ZWILCH: variants seen among roughly 807,000 people sequenced by gnomAD.
The protein encoded by ZWILCH is protein zwilch homolog.
In ZWILCH, 74 loss-of-function variants were observed where a neutral mutation model predicts 79.9. That is an observed-to-expected ratio of 0.93 (90% CI 0.77 to 1.12). ZWILCH has a LOEUF of 1.12. Among genes scored for constraint, ZWILCH ranks in the 50% most tolerant of loss-of-function variants. ZWILCH has a pLI of 0.00. For missense variants in ZWILCH, 694 were observed against 687.5 expected (o/e 1.01, Z -0.11); for synonymous variants, 241 against 228.2 (o/e 1.06, Z -0.51).
At chr15:66,518,398 C>T (rs1246123014) in intron 4 of ZWILCH, among the ~76,000 whole-genome samples, 2 of 150,164 alleles carry the variant, frequency 1.3e-5, no homozygotes, top group Non-Finnish European at 3.0e-5. Context: ...ACACCATTCT[C>T]ATCCTCCCAG....
intron 16 of ZWILCH, 104 bp downstream of exon 16, chr15:66,537,367 G>A (rs769642082): frequency 2.6e-5 from 20 of 756,724 alleles, no homozygotes; most frequent in Non-Finnish European, 3.5e-5. Context: ...AGACCAGCCT[G>A]GGCAACATAA....
chr15:66,532,919 A>T, intron 13 of ZWILCH, 66 bp from the exon 14 acceptor site: 1 of 1,035,218 alleles, frequency 9.7e-7, no homozygotes, highest in Non-Finnish European at 1.3e-6. Context: ...ATTTAAATTA[A>T]TTTCTATTAA....
intron 6 of ZWILCH, 74 bp from the exon 7 acceptor site, chr15:66,520,976 A>T (rs1488660774): frequency 1.5e-5 from 23 of 1,519,998 alleles, no homozygotes; most frequent in Non-Finnish European, 2.1e-5. Flanking sequence ...GACAAGGATC[A>T]AAATAATTTG....
intron 3 of ZWILCH, 64 bp from the exon 4 acceptor site, chr15:66,515,462 A>G (rs965719709): frequency 2.2e-5 from 21 of 963,182 alleles, no homozygotes; most frequent in Admixed American, 1.1e-4. Context: ...GTAGCATAGT[A>G]AAGAGTCAGC....
chr15:66,524,497 T>C (rs1433966738), intron 8 of ZWILCH: 2 of 152,202 alleles, frequency 1.3e-5, no homozygotes, highest in Non-Finnish European at 2.9e-5. Flanking sequence ...TACTCTATCA[T>C]CTTCTGGTGT....
chr15:66,517,430 G>GTGTGTGTGTGTATATATATATATA, intron 4 of ZWILCH, among the ~76,000 whole-genome samples: 15 of 66,488 alleles, frequency 2.3e-4, no homozygotes, highest in South Asian at 2.0e-3. Flanking sequence ...GTGTGTGTGT[G>GTGTGTGTGTGTATATATATATATA]TATATATATA....
chr15:66,517,417 C>CGTGTGTGTGTGTGTGTGTGTGT (rs141565295), intron 4 of ZWILCH, among the ~76,000 whole-genome samples: 1 of 80,782 alleles, frequency 1.2e-5, no homozygotes, highest in Non-Finnish European at 2.4e-5. Flanking sequence ...TTTGTGTGTG[C>CGTGTGTGTGTGTGTGTGTGTGT]GTGTGTGTGT....
At position 66,519,068 on chromosome 15, in the gene ZWILCH, C is replaced by A; in HGVS notation, c.510C>A (p.Val170=). The A allele has an allele frequency of 1.2e-6, 2 of 1,614,038 alleles. No homozygotes were observed. Among genetic ancestry groups the A allele is most frequent in the South Asian group, 2.2e-5 (2 of 91,038 alleles). The change falls in exon 5 of 19, where the codon GTC becomes GTA. Residue 170 remains valine, a synonymous_variant. Transcript: ENST00000307897. ...NSITGIVLYV[V]SCKADKNYSV... is the part of the protein sequence containing the mutation. ...TTACAGGAATTGTCTTATATGTGGT[C>A]AGTTGTAAAGGTGAGTGCTCTCTCT... is the stretch of plus-strand genomic sequence containing the variant.
chr15:66,523,293 G>A, intron 7 of ZWILCH: 1 of 150,676 alleles, frequency 6.6e-6, no homozygotes, highest in Non-Finnish European at 1.5e-5. Flanking sequence ...GATTTATTGG[G>A]AGACTTCATT....
rs752752312 is a variant in ZWILCH, at chr15:66,505,403, C to G, written c.53+12C>G. Reference sequence around the variant, plus strand: ...TCTCGTCTCCTTCAGTGAGTCTAGTCTCTTCTTTTGGCTGGGGTCCTGGGA... The same window carrying G: ...TCTCGTCTCCTTCAGTGAGTCTAGTGTCTTCTTTTGGCTGGGGTCCTGGGA... On this transcript the variant is annotated intron_variant, in intron 1 of 18. Transcript: ENST00000307897. 8.7e-6 allele frequency: 14 copies of G among 1,613,836 alleles called. No individual in the cohort carries two copies. Among genetic ancestry groups the G allele is most frequent in the African/African-American group, 2.7e-5 (2 of 74,934 alleles).
intron 2 of ZWILCH, among the ~76,000 whole-genome samples, chr15:66,511,316 T>C: frequency 6.6e-6 from 1 of 151,876 alleles, no homozygotes. Context: ...TGAGACCTTG[T>C]CTCTACAAAA....
chr15:66,532,144 C>T, intron 12 of ZWILCH, 103 bp from the exon 13 acceptor site: 1 of 860,036 alleles, frequency 1.2e-6, no homozygotes, highest in Non-Finnish European at 1.7e-6. Context: ...GGAATGCAAG[C>T]TTATAATTTT....
intron 4 of ZWILCH, among the ~76,000 whole-genome samples, chr15:66,517,430 G>GTGTGTGTGTGTGTGTGTATA: frequency 2.7e-4 from 18 of 66,524 alleles, no homozygotes; most frequent in Non-Finnish European, 5.0e-4. Flanking sequence ...GTGTGTGTGT[G>GTGTGTGTGTGTGTGTGTATA]TATATATATA....
chr15:66,542,277 C>T (rs185052065), intron 17 of ZWILCH, among the ~76,000 whole-genome samples: 6 of 151,666 alleles, frequency 4.0e-5, no homozygotes, highest in African/African-American at 1.2e-4. Flanking sequence ...GGTGAAACAC[C>T]ATCTCTACTA....
At chr15:66,514,160 A>G in intron 3 of ZWILCH, 77 bp downstream of exon 3, 1 of 980,432 alleles carries the variant, frequency 1.0e-6, no homozygotes, top group Non-Finnish European at 1.5e-6. Context: ...TCTAACGTAC[A>G]CGTTTTAAAA....
At chr15:66,535,892 G>T (rs759136837) in intron 14 of ZWILCH, 41 bp from the exon 15 acceptor site, 7 of 1,560,470 alleles carry the variant, frequency 4.5e-6, no homozygotes, top group Non-Finnish European at 6.0e-6. Context: ...GGTTACACAG[G>T]TGCTTTAAAT....
intron 4 of ZWILCH, among the ~76,000 whole-genome samples, chr15:66,517,368 A>G (rs1377224691): frequency 1.4e-5 from 2 of 147,046 alleles, no homozygotes; most frequent in African/African-American, 2.5e-5. Flanking sequence ...ATATCATAAC[A>G]ATATGTTTAT....
chr15:66,509,870 T>TATATAG lies in ZWILCH; in HGVS notation c.105+978_105+979insATATAG, dbSNP rs1491513134. On this transcript the variant is annotated intron_variant, in intron 2 of 18. Coordinates refer to ENST00000307897, the MANE Select transcript of ZWILCH (RefSeq NM_017975.5). ...ATATATATATATATATATATATATA[T>TATATAG]CTCTTAAAAATCAATGAGGAAGATG... Among the ~76,000 whole-genome samples the TATATAG allele has an allele frequency of 6.1e-3, 615 of 100,534 alleles. 35 individuals are homozygous for TATATAG. The highest frequency in any genetic ancestry group is 0.02 in the Middle Eastern group (4 of 198). 66.0% of individuals were successfully genotyped at this position (100,534 alleles called of 152,430 possible).
Position 66,540,078 on chromosome 15 carries a change from T to C in ZWILCH, c.1575-20T>C. ...GCTGTTTTTGAAAATTTTTCTTTTG[T>C]CGTTTTATTCTTTCCTTAGTGAGAA... On this transcript the variant is annotated intron_variant, in intron 16 of 18. Coordinates refer to ENST00000307897, the MANE Select transcript of ZWILCH (RefSeq NM_017975.5). 6.3e-7 allele frequency: 1 copy of C among 1,575,924 alleles called. No homozygotes were observed. Among genetic ancestry groups the C allele is most frequent in the Non-Finnish European group, 8.6e-7 (1 of 1,159,126 alleles).
Sources: gnomAD v4.1 joint callset for allele counts (sites outside exome capture counted in the v4.1 genomes callset) on GRCh38, gnomAD v4.1.1 for gene constraint, MANE v1.5 for transcripts, NCBI Gene and HGNC (gene_info 2026-07-23, HGNC 2026-07-21) for gene names.